CCDC7: variants seen among roughly 807,000 people sequenced by gnomAD.
CCDC7 encodes the protein coiled-coil domain containing 7.
In CCDC7, 183 loss-of-function variants were observed where a neutral mutation model predicts 196.9. The observed-to-expected ratio is 0.93, with a 90% CI of 0.82 to 1.05. The LOEUF is 1.05. Among genes scored for constraint, CCDC7 ranks in the 50% least tolerant of loss-of-function variants. The pLI, the probability that CCDC7 is intolerant of heterozygous loss-of-function variation, is 0.00. For synonymous variants in CCDC7, 525 were observed against 484.6 expected (o/e 1.08, Z -1.10); for missense variants, 1,540 against 1,482.2 (o/e 1.04, Z -0.64).
At chr10:32,781,446 T>C (rs1182677364) in intron 29 of CCDC7, among the ~76,000 whole-genome samples, 1 of 152,194 alleles carries the variant, frequency 6.6e-6, no homozygotes, top group African/African-American at 2.4e-5. Flanking sequence ...CAAAAAATTA[T>C]ACATCATGAA....
intron 20 of CCDC7, among the ~76,000 whole-genome samples, chr10:32,647,286 C>T (rs2067927654): frequency 6.6e-6 from 1 of 152,012 alleles, no homozygotes; most frequent in Non-Finnish European, 1.5e-5. Context: ...GTGGGTGGAT[C>T]ATTTGAGGTC....
At chr10:32,517,700 A>G (rs547318892) in intron 9 of CCDC7, among the ~76,000 whole-genome samples, 2 of 151,576 alleles carry the variant, frequency 1.3e-5, no homozygotes, top group South Asian at 2.1e-4. Context: ...GCACACCAAC[A>G]TGGCACATGT....
intron 18 of CCDC7, among the ~76,000 whole-genome samples, chr10:32,594,275 A>G (rs992021531): frequency 3.3e-5 from 5 of 152,216 alleles, no homozygotes; most frequent in African/African-American, 1.2e-4. Context: ...AGGCCCTGTA[A>G]GTTGTATTCC....
chr10:32,729,363 A>G (rs1212735438), exon 28 of CCDC7: 6 of 1,563,390 alleles, frequency 3.8e-6, no homozygotes, highest in South Asian at 2.4e-5. Context: ...AAAAGGATAT[A>G]TCACTTGAAC....
At chr10:32,714,156 C>T (rs1349500386) in intron 25 of CCDC7, among the ~76,000 whole-genome samples, 1 of 152,132 alleles carries the variant, frequency 6.6e-6, no homozygotes. Context: ...CCCAGTGATA[C>T]CAATGCAGAA....
intron 23 of CCDC7, among the ~76,000 whole-genome samples, chr10:32,690,027 A>T (rs963927335): frequency 2.0e-4 from 31 of 152,140 alleles, no homozygotes; most frequent in Admixed American, 2.0e-3. Context: ...GAGCCGTTGC[A>T]CCTAGCCTGG....
rs546493760 is a variant in CCDC7 at position 32,874,668 on chromosome 10, T to C, written c.4112-1679T>C. Reference sequence around the variant, plus strand: ...ATGCATGTGTGTATGTATATATATATATACATACACACACACACATACACA... The same window carrying C: ...ATGCATGTGTGTATGTATATATATACATACATACACACACACACATACACA... On this transcript the variant is annotated intron_variant, in intron 41 of 41. Coordinates refer to ENST00000639629, the Ensembl canonical transcript of CCDC7. Among the ~76,000 whole-genome samples the C allele has an allele frequency of 3.3e-5, 5 of 150,690 alleles. No individual in the cohort carries two copies. The South Asian group carries it at 1.0e-3, about 31-fold the overall frequency.
At chr10:32,808,356 C>T (rs1209279683) in intron 30 of CCDC7, among the ~76,000 whole-genome samples, 1 of 152,174 alleles carries the variant, frequency 6.6e-6, no homozygotes, top group Non-Finnish European at 1.5e-5. Context: ...AAGCATGACA[C>T]CCAAAGGCCG....
At chr10:32,858,361 A>G (rs1387503942) in intron 41 of CCDC7, among the ~76,000 whole-genome samples, 1 of 152,204 alleles carries the variant, frequency 6.6e-6, no homozygotes, top group Admixed American at 6.5e-5. Flanking sequence ...CTACAGAGCA[A>G]TATCTCTGAT....
At chr10:32,648,526 A>T (rs536256241) in intron 20 of CCDC7, among the ~76,000 whole-genome samples, 66 of 152,284 alleles carry the variant, frequency 4.3e-4, no homozygotes, top group African/African-American at 1.5e-3. Context: ...TATACCCAGT[A>T]ATATATTTGG....
intron 8 of CCDC7, among the ~76,000 whole-genome samples, chr10:32,482,630 A>C (rs1287846592): frequency 1.3e-5 from 2 of 151,988 alleles, no homozygotes; most frequent in Non-Finnish European, 2.9e-5. Context: ...GTATATCTCC[A>C]AATGCTATCC....
chr10:32,852,002 A>C (rs1471109037), intron 40 of CCDC7, 70 bp downstream of exon 41: 36 of 1,452,574 alleles, frequency 2.5e-5, no homozygotes, highest in Non-Finnish European at 3.2e-5. Flanking sequence ...TAAATAACCA[A>C]GTTGTAATAG....
chr10:32,574,316 AATAAT>A (rs2057934840), intron 16 of CCDC7: 5 of 502,358 alleles, frequency 1.0e-5, no homozygotes, highest in African/African-American at 6.3e-5. Context: ...TATATTATAT[AATAAT>A]ATAATATATT....
chr10:32,862,201 TGTG>T lies in CCDC7; in HGVS notation c.4111+7714_4111+7716del, dbSNP rs541979553. Among the ~76,000 whole-genome samples, 124 of 152,090 alleles carry T rather than the reference TGTG, an allele frequency of 8.2e-4. 1 individual carries two copies. The highest frequency in any genetic ancestry group is 2.7e-3 in the African/African-American group (112 of 41,490). On this transcript the variant is annotated intron_variant, in intron 41 of 41. Coordinates refer to ENST00000639629, the Ensembl canonical transcript of CCDC7. ...TCAGTGATAGACTGGATGAAGAAAATGTGGCACATATACACCATGGCATACTAT... is the reference window on the plus strand; with the variant it reads ...TCAGTGATAGACTGGATGAAGAAAATGCACATATACACCATGGCATACTAT...
chr10:32,472,963 T>C (rs943693710), intron 7 of CCDC7, among the ~76,000 whole-genome samples: 2 of 152,238 alleles, frequency 1.3e-5, no homozygotes, highest in Non-Finnish European at 2.9e-5. Context: ...AATTTACAGT[T>C]ATAAAATTAT....
At chr10:32,780,462 T>TA in intron 29 of CCDC7, among the ~76,000 whole-genome samples, 1 of 152,172 alleles carries the variant, frequency 6.6e-6, no homozygotes, top group Non-Finnish European at 1.5e-5. Flanking sequence ...ACACAATATA[T>TA]AAAGACATGA....
chr10:32,651,978 T>C (rs1007124399), intron 20 of CCDC7, among the ~76,000 whole-genome samples: 3 of 152,200 alleles, frequency 2.0e-5, no homozygotes, highest in Non-Finnish European at 4.4e-5. Flanking sequence ...CCAGTTTCTT[T>C]GTTGATTTTT....
rs1347465136 is a variant in CCDC7, at chr10:32,453,448, C to T, written c.372+12C>T. 2 of 1,492,750 alleles carry T rather than the reference C, an allele frequency of 1.3e-6. No individual in the cohort carries two copies. Among genetic ancestry groups the T allele is most frequent in the Non-Finnish European group, 8.9e-7 (1 of 1,119,236 alleles). The allele number at this position is 1,492,750 out of a possible 1,614,324, so 92.5% of individuals were successfully genotyped here. On this transcript the variant is annotated intron_variant, in intron 2 of 41. Coordinates refer to ENST00000639629, the Ensembl canonical transcript of CCDC7. ...AATTATCTTTATCTGTAAGTATATG[C>T]AACCCTAATATAGAGACATTAACAC...
In CCDC7 at chr10:32,701,331, G is replaced by A. The variant is rs191684788; in HGVS notation, c.2458+6339G>A. 6.3e-4 allele frequency among the ~76,000 whole-genome samples: 94 copies of A among 148,974 alleles called. No individual in the cohort carries two copies. The Middle Eastern group carries it at 0.014, about 22-fold the overall frequency. ...GAGATAATCATGTGGTTTGATTTGC[G>A]TATGTTGAACCAGCCTTGCATCCCA... On this transcript the variant is annotated intron_variant, in intron 24 of 41. Transcript: ENST00000639629.
Sources: allele counts gnomAD v4.1 joint callset (sites outside exome capture counted in the v4.1 genomes callset), GRCh38; gene constraint gnomAD v4.1.1; transcripts MANE v1.5; gene names NCBI Gene and HGNC (gene_info 2026-07-23, HGNC 2026-07-21).